The following JAZF1 variants were observed in gnomAD, a reference collection of about 807,000 sequenced individuals.
The protein encoded by JAZF1 is JAZF zinc finger 1, also known as juxtaposed with another zinc finger protein 1.
In JAZF1, 8 loss-of-function variants were observed where a neutral mutation model predicts 26.4. That is an observed-to-expected ratio of 0.30 (90% confidence interval 0.18 to 0.55). JAZF1 has a LOEUF of 0.55. JAZF1 is among the 20% of genes least tolerant of loss of function. The probability of loss-of-function intolerance (pLI) is 0.94; values close to 1 mark genes in which losing one functional copy is unlikely to be tolerated. For missense variants in JAZF1, 199 were observed against 322.0 expected, an observed-to-expected ratio of 0.62 and a Z score of 2.92; for synonymous variants, 126 against 122.3, an observed-to-expected ratio of 1.03 and a Z score of -0.20.
At chr7:28,146,447 G>C (rs747292619) in intron 1 of JAZF1, among the ~76,000 whole-genome samples, 2 of 152,222 alleles carry the variant, frequency 1.3e-5, no homozygotes, top group Non-Finnish European at 2.9e-5. Context: ...ACACAGGAGT[G>C]AATCTTCAGA....
chr7:28,126,445 C>A (rs192274058), intron 1 of JAZF1, among the ~76,000 whole-genome samples: 1 of 151,148 alleles, frequency 6.6e-6, no homozygotes, highest in Non-Finnish European at 1.5e-5. Flanking sequence ...GCTGGGGGAC[C>A]ACTTTGGATA....
At chr7:28,057,428 C>T (rs1421865562) in intron 1 of JAZF1, among the ~76,000 whole-genome samples, 1 of 152,118 alleles carries the variant, frequency 6.6e-6, no homozygotes, top group Non-Finnish European at 1.5e-5. Flanking sequence ...TAATATTGTG[C>T]CGAGTACTCT....
At chr7:28,180,401 C>T (rs1783625382) in intron 1 of JAZF1, 62 bp downstream of exon 1, 4 of 1,303,310 alleles carry the variant, frequency 3.1e-6, no homozygotes, top group Non-Finnish European at 4.3e-6. Context: ...CATTCCGGGG[C>T]TCCCCGCCCG....
chr7:27,902,657 T>C (rs1190443179), intron 2 of JAZF1, among the ~76,000 whole-genome samples: 1 of 152,202 alleles, frequency 6.6e-6, no homozygotes, highest in Non-Finnish European at 1.5e-5. Context: ...TTAATATTCA[T>C]AAAGCACTTA....
At chr7:28,022,766 G>A (rs990513874) in intron 1 of JAZF1, among the ~76,000 whole-genome samples, 3 of 151,856 alleles carry the variant, frequency 2.0e-5, no homozygotes, top group Non-Finnish European at 4.4e-5. Flanking sequence ...TTTTGTTGTT[G>A]TTTGTTTGTT....
chr7:27,958,769 C>T (rs891673083), intron 2 of JAZF1, among the ~76,000 whole-genome samples: 5 of 152,144 alleles, frequency 3.3e-5, no homozygotes, highest in Admixed American at 6.5e-5. Context: ...GCAGTCCAGA[C>T]GGTACCACAT....
intron 1 of JAZF1, among the ~76,000 whole-genome samples, chr7:28,023,761 AAG>A (rs1256992947): frequency 1.3e-5 from 2 of 152,234 alleles, no homozygotes; most frequent in Non-Finnish European, 2.9e-5. Flanking sequence ...CAGTTTTAGT[AAG>A]AGAGAGGCTG....
chr7:28,146,824 G>A (rs975418224), intron 1 of JAZF1, among the ~76,000 whole-genome samples: 1 of 148,202 alleles, frequency 6.7e-6, no homozygotes, highest in Admixed American at 6.7e-5. Context: ...TGGAATTCTG[G>A]TTTTTTGCTT....
intron 1 of JAZF1, among the ~76,000 whole-genome samples, chr7:28,087,320 A>T (rs936941615): frequency 7.3e-6 from 1 of 137,706 alleles, no homozygotes; most frequent in African/African-American, 3.0e-5. Context: ...CTTTAGAAGT[A>T]AAAAAAAAAA....
chr7:28,065,731 T>C lies in JAZF1; in HGVS notation c.116-73750A>G, dbSNP rs573964155. 2.1e-3 allele frequency among the ~76,000 whole-genome samples: 321 copies of C among 152,344 alleles called. 1 individual carries two copies. Among genetic ancestry groups the C allele is most frequent in the African/African-American group, 7.5e-3 (311 of 41,576 alleles). ...ACCACCTCATGCCTTTTCTTTTTCT[T>C]TCCTAGGAAATTGCCAGTTATATGA... is the stretch of plus-strand genomic sequence containing the variant. On this transcript the variant is annotated intron_variant, in intron 1 of 4. Transcript: ENST00000283928.
At chr7:28,160,080 G>C (rs1783258175) in intron 1 of JAZF1, among the ~76,000 whole-genome samples, 1 of 151,852 alleles carries the variant, frequency 6.6e-6, no homozygotes, top group South Asian at 2.1e-4. Flanking sequence ...TTCTGGGTGG[G>C]GTACGGAATC....
chr7:28,014,631 C>T (rs549512669), intron 1 of JAZF1, among the ~76,000 whole-genome samples: 12 of 152,328 alleles, frequency 7.9e-5, no homozygotes, highest in Admixed American at 2.6e-4. Context: ...TCCCCAGTCA[C>T]GTGAAACTGT....
At chr7:28,049,311 C>T (rs1317370344) in intron 1 of JAZF1, among the ~76,000 whole-genome samples, 1 of 151,650 alleles carries the variant, frequency 6.6e-6, no homozygotes, top group Non-Finnish European at 1.5e-5. Context: ...CTTGAACTCC[C>T]AACCTCAGGT....
intron 3 of JAZF1, among the ~76,000 whole-genome samples, chr7:27,880,043 A>C (rs1475351697): frequency 1.3e-5 from 2 of 152,230 alleles, no homozygotes; most frequent in African/African-American, 4.8e-5. Flanking sequence ...AGGCACAGCT[A>C]CCACGAAGAT....
In JAZF1 at chr7:28,110,857, G is replaced by A. The variant is rs956594378; in HGVS notation, c.115+69606C>T. Among the ~76,000 whole-genome samples the A allele has an allele frequency of 1.1e-4, 17 of 152,206 alleles. No individual in the cohort carries two copies. The South Asian group carries it at 3.3e-3, about 30-fold the overall frequency. ...TCACCTAAAATCACACTCGCAACCT[G>A]GGAGCCTTGCCTGGGAGGGACTTCT... On this transcript the variant is annotated intron_variant, in intron 1 of 4. Transcript: ENST00000283928.
intron 1 of JAZF1, among the ~76,000 whole-genome samples, chr7:28,081,586 G>A (rs2127916438): frequency 6.6e-6 from 1 of 152,304 alleles, no homozygotes; most frequent in South Asian, 2.1e-4. Flanking sequence ...GGACAAGCTG[G>A]TGAGCCTGGG....
At chr7:28,117,301 A>G (rs1230512477) in intron 1 of JAZF1, among the ~76,000 whole-genome samples, 3 of 152,148 alleles carry the variant, frequency 2.0e-5, no homozygotes, top group Non-Finnish European at 4.4e-5. Flanking sequence ...TCTTACTTCA[A>G]GGTTATAAAG....
chr7:28,151,109 A>AT (rs1228034717), intron 1 of JAZF1, among the ~76,000 whole-genome samples: 5 of 54,668 alleles, frequency 9.1e-5, no homozygotes, highest in African/African-American at 2.2e-4. Flanking sequence ...ATATATATAT[A>AT]TATTTTTTTT....
intron 1 of JAZF1, among the ~76,000 whole-genome samples, chr7:28,068,721 A>T (rs1783925015): frequency 6.6e-6 from 1 of 151,186 alleles, no homozygotes; most frequent in Admixed American, 6.6e-5. Flanking sequence ...AAAAAGGAGG[A>T]GGACAAAGGA....
Sources: gnomAD v4.1 joint callset for allele counts (sites outside exome capture counted in the v4.1 genomes callset) on GRCh38, gnomAD v4.1.1 for gene constraint, MANE v1.5 for transcripts, NCBI Gene and HGNC (gene_info 2026-07-23, HGNC 2026-07-21) for gene names.